The following UBE2G1 variants were observed in gnomAD, a reference collection of about 807,000 sequenced individuals.
UBE2G1 encodes ubiquitin-conjugating enzyme E2 G1.
In UBE2G1, 5 loss-of-function variants were observed where a neutral mutation model predicts 22.7. The ratio of observed to expected loss-of-function variants is 0.22; its 90% CI spans 0.12 to 0.46. The LOEUF (loss-of-function observed/expected upper bound fraction) is 0.46, where lower values mean the gene tolerates loss of function less well. Ranked by LOEUF, UBE2G1 falls within the 20% of genes least tolerant of loss-of-function variation. UBE2G1 has a pLI of 0.99. For synonymous variants in UBE2G1, 74 were observed against 67.5 expected (o/e 1.10, Z -0.47); for missense variants, 88 against 203.9 (o/e 0.43, Z 3.46).
intron 3 of UBE2G1, among the ~76,000 whole-genome samples, chr17:4,295,236 A>G (rs1426121246): frequency 2.0e-5 from 3 of 152,248 alleles, no homozygotes; most frequent in African/African-American, 7.2e-5. Flanking sequence ...TCACCCATTC[A>G]TGCATGCCCG....
chr17:4,353,742 C>G (rs1243958655), intron 1 of UBE2G1, among the ~76,000 whole-genome samples: 1 of 151,804 alleles, frequency 6.6e-6, no homozygotes, highest in Admixed American at 6.6e-5. Context: ...GATCTCCTGA[C>G]CTCGTGATCC....
intron 1 of UBE2G1, among the ~76,000 whole-genome samples, chr17:4,328,442 T>A (rs934491737): frequency 3.9e-5 from 6 of 152,218 alleles, no homozygotes; most frequent in Admixed American, 2.0e-4. Context: ...AAATGTCAGA[T>A]AACTTAAATA....
At chr17:4,302,322 A>G (rs1969193115) in intron 2 of UBE2G1, 2 of 471,516 alleles carry the variant, frequency 4.2e-6, no homozygotes, top group African/African-American at 2.0e-5. Context: ...GGTTGCAGCC[A>G]CTCTTGTGTC....
chr17:4,285,946 T>C (rs1968958133), intron 4 of UBE2G1, among the ~76,000 whole-genome samples: 2 of 144,666 alleles, frequency 1.4e-5, no homozygotes, highest in South Asian at 4.4e-4. Context: ...CGAGACTACA[T>C]CTTTAAAAAA....
intron 1 of UBE2G1, among the ~76,000 whole-genome samples, chr17:4,322,871 C>T (rs1003449824): frequency 6.6e-6 from 1 of 152,060 alleles, no homozygotes; most frequent in Admixed American, 6.5e-5. Flanking sequence ...ATGGAACCAC[C>T]GAGCACTGTG....
intron 2 of UBE2G1, among the ~76,000 whole-genome samples, chr17:4,305,214 G>C (rs563082864): frequency 6.6e-6 from 1 of 152,078 alleles, no homozygotes; most frequent in African/African-American, 2.4e-5. Flanking sequence ...CCTCGGCCTC[G>C]TGAGCCACTA....
intron 1 of UBE2G1, among the ~76,000 whole-genome samples, chr17:4,311,485 T>C (rs1192172764): frequency 1.3e-5 from 2 of 152,158 alleles, no homozygotes; most frequent in East Asian, 1.9e-4. Context: ...AGAAATGAAG[T>C]ACTAATATAT....
chr17:4,349,009 A>G (rs1463630479), intron 1 of UBE2G1, among the ~76,000 whole-genome samples: 1 of 152,198 alleles, frequency 6.6e-6, no homozygotes, highest in East Asian at 1.9e-4. Context: ...CAACATGGTG[A>G]AACCCAGTCT....
chr17:4,276,000 C>G (rs4790603), intron 5 of UBE2G1, among the ~76,000 whole-genome samples: 1 of 152,040 alleles, frequency 6.6e-6, no homozygotes, highest in Admixed American at 6.6e-5. Context: ...AAGCCAGTCT[C>G]TGTCTCTTCC....
intron 2 of UBE2G1, among the ~76,000 whole-genome samples, chr17:4,299,682 C>T (rs74382345): frequency 0.025 from 3,783 of 152,240 alleles, 150 homozygotes; most frequent in African/African-American, 0.086. Context: ...ATTTAAAGCA[C>T]ACAATTTTCA....
chr17:4,340,015 C>T (rs1022202253), intron 1 of UBE2G1, among the ~76,000 whole-genome samples: 1 of 152,182 alleles, frequency 6.6e-6, no homozygotes, highest in East Asian at 1.9e-4. Context: ...CTCACTGCAG[C>T]CCTGGCTGTG....
intron 2 of UBE2G1, chr17:4,301,364 G>A: frequency 1.9e-6 from 1 of 524,062 alleles, no homozygotes; most frequent in Non-Finnish European, 3.6e-6. Context: ...AGAAGGATGA[G>A]AAAGCATGGG....
chr17:4,337,701 T>A (rs1346141185), intron 1 of UBE2G1, among the ~76,000 whole-genome samples: 1 of 151,558 alleles, frequency 6.6e-6, no homozygotes, highest in Non-Finnish European at 1.5e-5. Flanking sequence ...AAAAAAATCT[T>A]TGGTACACTA....
intron 1 of UBE2G1, among the ~76,000 whole-genome samples, chr17:4,310,630 G>A (rs1969298881): frequency 6.6e-6 from 1 of 152,124 alleles, no homozygotes; most frequent in Non-Finnish European, 1.5e-5. Flanking sequence ...TTATCCAGAG[G>A]GCAATGATAA....
At chr17:4,302,047 A>AAG in intron 2 of UBE2G1, 1 of 491,128 alleles carries the variant, frequency 2.0e-6, no homozygotes, top group Non-Finnish European at 4.0e-6. Context: ...CAACAAAAAA[A>AAG]GGGGGGGGAA....
At chr17:4,275,397 T>A (rs181871648) in intron 5 of UBE2G1, among the ~76,000 whole-genome samples, 32 of 152,330 alleles carry the variant, frequency 2.1e-4, no homozygotes, top group Non-Finnish European at 4.0e-4. Context: ...TTCGCAGAAT[T>A]TATGTTTCAA....
intron 2 of UBE2G1, 111 bp downstream of exon 2, chr17:4,306,910 A>G: frequency 2.1e-6 from 2 of 932,828 alleles, no homozygotes; most frequent in Non-Finnish European, 1.6e-6. Flanking sequence ...TTGGCCTCCC[A>G]AAGTGCTGGG....
At chr17:4,294,639 T>C (rs1333473132) in intron 3 of UBE2G1, among the ~76,000 whole-genome samples, 1 of 152,066 alleles carries the variant, frequency 6.6e-6, no homozygotes, top group African/African-American at 2.4e-5. Context: ...AGGCCTGGCG[T>C]GGTAGCTAAT....
At chr17:4,285,788 A>G (rs1473861751) in intron 4 of UBE2G1, among the ~76,000 whole-genome samples, 1 of 152,080 alleles carries the variant, frequency 6.6e-6, no homozygotes, top group Non-Finnish European at 1.5e-5. Flanking sequence ...CATCTCTACT[A>G]AAAATACAAA....
Sources: allele counts gnomAD v4.1 joint callset (sites outside exome capture counted in the v4.1 genomes callset), GRCh38; gene constraint gnomAD v4.1.1; transcripts MANE v1.5; gene names NCBI Gene and HGNC (gene_info 2026-07-23, HGNC 2026-07-21).